Variants in CNTN3 observed in about 807,000 individuals in gnomAD.
CNTN3 encodes the protein contactin-3.
Under a neutral mutation model 119.1 loss-of-function variants are expected in CNTN3, and 60 were observed. That is an observed-to-expected ratio of 0.50 (90% CI 0.41 to 0.62). CNTN3 has a LOEUF of 0.62. CNTN3 is among the 20% of genes least tolerant of loss of function. The pLI, the probability that CNTN3 is intolerant of heterozygous loss-of-function variation, is 0.00. For synonymous variants in CNTN3, 450 were observed against 438.7 expected (o/e 1.03, Z -0.32); for missense variants, 1,101 against 1,242.4 (o/e 0.89, Z 1.71).
chr3:74,349,032 G>A lies in CNTN3; in HGVS notation c.1365-12374C>T, dbSNP rs1355113234. 4.0e-5 allele frequency among the ~76,000 whole-genome samples: 6 copies of A among 151,646 alleles called. No homozygotes were observed. The East Asian group carries it at 9.7e-4, about 25-fold the overall frequency. ...GCCTAGGAATTGGAGACTGCAATGA[G>A]TTATGATCATGTCATTGTACTCCAG... On this transcript the variant is annotated intron_variant, in intron 11 of 22. Coordinates refer to ENST00000263665, the MANE Select transcript of CNTN3 (RefSeq NM_020872.3).
chr3:74,554,206 T>C (rs995381562), intron 1 of CNTN3, among the ~76,000 whole-genome samples: 4 of 152,154 alleles, frequency 2.6e-5, no homozygotes, highest in Non-Finnish European at 5.9e-5. Context: ...TTTGTTAGGT[T>C]TGTCAAAGAT....
chr3:74,367,083 T>C (rs954710025), intron 8 of CNTN3, among the ~76,000 whole-genome samples: 3 of 151,814 alleles, frequency 2.0e-5, no homozygotes, highest in African/African-American at 7.3e-5. Context: ...ATTTCTCCCT[T>C]TATTCCATCA....
intron 1 of CNTN3, among the ~76,000 whole-genome samples, chr3:74,570,278 C>T (rs1704292443): frequency 6.6e-6 from 1 of 151,992 alleles, no homozygotes; most frequent in Non-Finnish European, 1.5e-5. Flanking sequence ...TGCAAAGTAG[C>T]AGTAGTGCCT....
chr3:74,443,080 G>T (rs1575729788), intron 4 of CNTN3, among the ~76,000 whole-genome samples: 1 of 151,840 alleles, frequency 6.6e-6, no homozygotes, highest in Non-Finnish European at 1.5e-5. Context: ...AAGTGGGAAG[G>T]CCTTGGGGTG....
At chr3:74,532,265 G>A (rs1575812376) in intron 1 of CNTN3, among the ~76,000 whole-genome samples, 1 of 144,106 alleles carries the variant, frequency 6.9e-6, no homozygotes, top group African/African-American at 2.6e-5. Context: ...AATGGGTAGA[G>A]GGTAAAGAGA....
intron 13 of CNTN3, among the ~76,000 whole-genome samples, chr3:74,313,054 T>C (rs1296101984): frequency 1.3e-5 from 2 of 148,746 alleles, no homozygotes; most frequent in African/African-American, 4.9e-5. Context: ...ACGACTTGGA[T>C]TGGCTTATTA....
At chr3:74,400,178 T>C (rs932323499) in intron 5 of CNTN3, among the ~76,000 whole-genome samples, 4 of 152,176 alleles carry the variant, frequency 2.6e-5, no homozygotes, top group African/African-American at 7.2e-5. Flanking sequence ...CAGTAAACTT[T>C]ACACAAAGAA....
chr3:74,519,257 C>T (rs1703503101), intron 2 of CNTN3, among the ~76,000 whole-genome samples: 1 of 151,768 alleles, frequency 6.6e-6, no homozygotes, highest in South Asian at 2.1e-4. Context: ...TCCAATTCTC[C>T]CTTACAAATC....
chr3:74,530,055 G>A (rs1028144954), intron 1 of CNTN3, among the ~76,000 whole-genome samples: 10 of 152,016 alleles, frequency 6.6e-5, no homozygotes, highest in Admixed American at 2.6e-4. Context: ...AGTGATCTTG[G>A]GGAAAAACTC....
At chr3:74,507,412 C>T (rs1254085279) in intron 2 of CNTN3, among the ~76,000 whole-genome samples, 1 of 93,474 alleles carries the variant, frequency 1.1e-5, no homozygotes, top group Admixed American at 1.4e-4. Flanking sequence ...AGTGAGACCC[C>T]ATCTCTAAGA....
intron 11 of CNTN3, among the ~76,000 whole-genome samples, chr3:74,348,972 G>A (rs1703755942): frequency 6.6e-6 from 1 of 151,884 alleles, no homozygotes; most frequent in South Asian, 2.1e-4. Flanking sequence ...TGTAGTCCCA[G>A]CCACTCTGGA....
chr3:74,514,133 C>A (rs956169576), intron 2 of CNTN3, among the ~76,000 whole-genome samples: 4 of 152,102 alleles, frequency 2.6e-5, no homozygotes, highest in African/African-American at 7.2e-5. Context: ...AATATTTCAG[C>A]CTTAACCGTC....
At chr3:74,384,725 A>C (rs1704704671) in intron 5 of CNTN3, among the ~76,000 whole-genome samples, 3 of 152,194 alleles carry the variant, frequency 2.0e-5, no homozygotes, top group Non-Finnish European at 4.4e-5. Flanking sequence ...ATATTCTGTT[A>C]CAAGTAAAAG....
chr3:74,472,526 T>G (rs74511408), intron 4 of CNTN3, among the ~76,000 whole-genome samples: 4,905 of 152,270 alleles, frequency 0.032, 111 homozygotes, highest in Admixed American at 0.043. Flanking sequence ...ATTTTATGAT[T>G]CAAAAGGCAA....
At chr3:74,416,795 C>T (rs908713894) in intron 5 of CNTN3, among the ~76,000 whole-genome samples, 5 of 151,972 alleles carry the variant, frequency 3.3e-5, no homozygotes, top group African/African-American at 1.2e-4. Context: ...CGAGAACAGG[C>T]TGGTCAACAT....
chr3:74,358,744 A>G (rs527285468), intron 11 of CNTN3, among the ~76,000 whole-genome samples: 6 of 141,208 alleles, frequency 4.2e-5, no homozygotes, highest in African/African-American at 1.0e-4. Context: ...ATATCTCCCA[A>G]TGCTATCCCT....
At chr3:74,381,979 C>A (rs577095005) in intron 5 of CNTN3, among the ~76,000 whole-genome samples, 1 of 152,032 alleles carries the variant, frequency 6.6e-6, no homozygotes, top group Non-Finnish European at 1.5e-5. Context: ...GAGGCCGAGG[C>A]GGGTGGATCA....
chr3:74,267,827 C>T (rs1343341847), intron 20 of CNTN3, among the ~76,000 whole-genome samples: 1 of 151,926 alleles, frequency 6.6e-6, no homozygotes, highest in East Asian at 1.9e-4. Flanking sequence ...AGGAAGGCGG[C>T]GGGACTTATT....
At chr3:74,428,920 T>C (rs956621012) in intron 4 of CNTN3, among the ~76,000 whole-genome samples, 6 of 152,292 alleles carry the variant, frequency 3.9e-5, no homozygotes, top group East Asian at 3.9e-4. Flanking sequence ...TGTGTCACAA[T>C]TGCCTACAGT....
Sources: allele counts gnomAD v4.1 joint callset (sites outside exome capture counted in the v4.1 genomes callset), GRCh38; gene constraint gnomAD v4.1.1; transcripts MANE v1.5; gene names NCBI Gene and HGNC (gene_info 2026-07-23, HGNC 2026-07-21).